Variants in ARMC8 observed in about 807,000 individuals in gnomAD.
ARMC8 encodes armadillo repeat-containing protein 8.
ARMC8 carries 20 observed loss-of-function variants against 99.3 expected under a neutral mutation model. That is an observed-to-expected ratio of 0.20 (90% CI 0.14 to 0.29). The LOEUF (loss-of-function observed/expected upper bound fraction) is 0.29. Ranked by LOEUF, ARMC8 falls within the 10% of genes least tolerant of loss-of-function variation. ARMC8 has a pLI of 1.00. For synonymous variants in ARMC8, 263 were observed against 278.3 expected (o/e 0.95, Z 0.55); for missense variants, 569 against 809.5 (o/e 0.70, Z 3.60).
At chr3:138,243,614 T>TG (rs2046736199) in intron 11 of ARMC8, among the ~76,000 whole-genome samples, 2 of 152,298 alleles carry the variant, frequency 1.3e-5, no homozygotes, top group East Asian at 3.9e-4. Flanking sequence ...TATTAAGAAT[T>TG]GCCTTCAGAG....
intron 2 of ARMC8, among the ~76,000 whole-genome samples, chr3:138,210,518 A>G (rs1468255165): frequency 2.0e-5 from 3 of 152,140 alleles, no homozygotes; most frequent in South Asian, 2.1e-4. Flanking sequence ...TCAGATTATC[A>G]TACTCTTAGC....
At chr3:138,251,630 C>T (rs2047127160) in intron 12 of ARMC8, among the ~76,000 whole-genome samples, 1 of 152,148 alleles carries the variant, frequency 6.6e-6, no homozygotes, top group Non-Finnish European at 1.5e-5. Context: ...AAGAAATAAC[C>T]ATGACAGGAC....
At chr3:138,190,281 C>CTTTTTTTTTTT (rs141579108) in intron 1 of ARMC8, among the ~76,000 whole-genome samples, 1 of 114,370 alleles carries the variant, frequency 8.7e-6, no homozygotes, top group African/African-American at 3.6e-5. Context: ...ATTTTCTTAT[C>CTTTTTTTTTTT]TTTTTTTTTT....
At chr3:138,249,955 G>C (rs891234936) in intron 12 of ARMC8, among the ~76,000 whole-genome samples, 4 of 152,058 alleles carry the variant, frequency 2.6e-5, no homozygotes, top group Non-Finnish European at 5.9e-5. Context: ...TTAATTTTTG[G>C]TTACTTTAAA....
intron 6 of ARMC8, 153 bp downstream of exon 6, chr3:138,229,163 T>TAC (rs2045878676): frequency 1.0e-4 from 8 of 78,496 alleles, no homozygotes; most frequent in African/African-American, 4.5e-4. Flanking sequence ...TATATATATA[T>TAC]ATATATATAT....
At chr3:138,259,736 C>T (rs1358829168) in intron 12 of ARMC8, among the ~76,000 whole-genome samples, 2 of 152,198 alleles carry the variant, frequency 1.3e-5, no homozygotes, top group Non-Finnish European at 2.9e-5. Context: ...CGTTTACCAG[C>T]CACCTTATAG....
At chr3:138,192,466 A>T (rs899252467) in intron 1 of ARMC8, among the ~76,000 whole-genome samples, 10 of 151,476 alleles carry the variant, frequency 6.6e-5, no homozygotes, top group African/African-American at 2.2e-4. Flanking sequence ...TTTAGTAGAG[A>T]CGGAGTTTCA....
intron 21 of ARMC8, among the ~76,000 whole-genome samples, chr3:138,291,891 A>C (rs912022544): frequency 3.9e-5 from 6 of 152,214 alleles, no homozygotes; most frequent in African/African-American, 1.4e-4. Flanking sequence ...AATAGGTGGA[A>C]GAATCCAGAC....
At chr3:138,252,643 T>A (rs888136660) in intron 12 of ARMC8, among the ~76,000 whole-genome samples, 1 of 140,486 alleles carries the variant, frequency 7.1e-6, no homozygotes, top group Non-Finnish European at 1.5e-5. Flanking sequence ...TTAGTAGAGA[T>A]GGGGTTTTCA....
Position 138,191,405 on chromosome 3 carries a change from G to C in ARMC8, c.45+3806G>C, listed in dbSNP as rs78188680. ...TGAAATAATTATAGATTCACAGGAA[G>C]TTGCAAAGATAGTACAGACAGGTCC... On this transcript the variant is annotated intron_variant, in intron 1 of 21. Coordinates refer to ENST00000469044, the MANE Select transcript of ARMC8 (RefSeq NM_001363941.2). Among the ~76,000 whole-genome samples, 10 of 152,290 alleles carry C rather than the reference G, an allele frequency of 6.6e-5. No homozygotes were observed. The East Asian group carries it at 1.9e-3, about 29-fold the overall frequency.
chr3:138,210,616 G>A (rs2044638911), intron 2 of ARMC8, among the ~76,000 whole-genome samples: 1 of 152,094 alleles, frequency 6.6e-6, no homozygotes, highest in Non-Finnish European at 1.5e-5. Context: ...CTGTGTCTAT[G>A]GGAAGAAAGA....
chr3:138,194,297 C>T lies in ARMC8; in HGVS notation c.45+6698C>T, dbSNP rs1281876270. ...TGACCTCGTGATCCGCCCGCCGCGG[C>T]CTCCCAAAATGCTGGGATTACAGGC... On this transcript the variant is annotated intron_variant, in intron 1 of 21. Coordinates refer to ENST00000469044, the MANE Select transcript of ARMC8 (RefSeq NM_001363941.2). Among the ~76,000 whole-genome samples, 2 of 149,242 alleles carry T rather than the reference C, an allele frequency of 1.3e-5. 1 individual carries two copies. Among genetic ancestry groups the T allele is most frequent in the Admixed American group, 1.3e-4 (2 of 14,898 alleles).
At position 138,237,370 on chromosome 3, in the gene ARMC8, T is replaced by C. The variant is rs2046385132; in HGVS notation, c.671T>C (p.Met224Thr). 2.5e-6 allele frequency: 4 copies of C among 1,613,718 alleles called. No homozygotes were observed. In the East Asian group the frequency reaches 8.9e-5, roughly 36 times the overall value. Residue 224 changes from methionine (M) to threonine (T), a missense_variant, in exon 8 of 22, where the codon ATG (methionine) becomes ACG (threonine). Met to Thr is a moderately conservative substitution (Grantham distance 81). Coordinates refer to ENST00000469044, the MANE Select transcript of ARMC8 (RefSeq NM_001363941.2). ...GCTTTTGAAAACCCCCAGGTATCGA[T>C]GACCCTGGTAAATGGTAGGCTGGAG... ...VLAFENPQVS[M>T]TLVNVLVDGE...
At chr3:138,198,833 T>C (rs1020001328) in intron 1 of ARMC8, among the ~76,000 whole-genome samples, 4 of 151,024 alleles carry the variant, frequency 2.6e-5, no homozygotes, top group African/African-American at 9.7e-5. Context: ...TATTTTAGAG[T>C]TTTTTTTTCA....
At chr3:138,188,083 C>T (rs1050052930) in intron 1 of ARMC8, 5 of 230,742 alleles carry the variant, frequency 2.2e-5, no homozygotes, top group Non-Finnish European at 3.5e-5. Context: ...CAGGCCAAGT[C>T]TGTGCGGCTT....
chr3:138,252,680 TCCTGACCTTGTGA>T (rs2047181351), intron 12 of ARMC8, among the ~76,000 whole-genome samples: 1 of 127,238 alleles, frequency 7.9e-6, no homozygotes, highest in African/African-American at 2.9e-5. Flanking sequence ...GGTCCCGAAC[TCCTGACCTTGTGA>T]TCCACCCGCC....
chr3:138,255,411 T>G (rs971201660), intron 12 of ARMC8, among the ~76,000 whole-genome samples: 1 of 151,878 alleles, frequency 6.6e-6, no homozygotes, highest in Non-Finnish European at 1.5e-5. Context: ...ACTGTGTTAG[T>G]CAGGACAGTC....
chr3:138,234,686 G>A (rs924738154), intron 6 of ARMC8, among the ~76,000 whole-genome samples: 5 of 152,186 alleles, frequency 3.3e-5, no homozygotes, highest in African/African-American at 4.8e-5. Context: ...AGAATTCATC[G>A]TGGCTCTATT....
intron 6 of ARMC8, among the ~76,000 whole-genome samples, chr3:138,233,046 T>C (rs945233856): frequency 6.6e-6 from 1 of 152,070 alleles, no homozygotes; most frequent in Non-Finnish European, 1.5e-5. Context: ...AAGGGTCGAA[T>C]CCTTACGAGA....
Sources: allele counts gnomAD v4.1 joint callset (sites outside exome capture counted in the v4.1 genomes callset), GRCh38; gene constraint gnomAD v4.1.1; transcripts MANE v1.5; gene names NCBI Gene and HGNC (gene_info 2026-07-23, HGNC 2026-07-21).